TENT2: variants seen among roughly 807,000 people sequenced by gnomAD.
TENT2 encodes terminal nucleotidyltransferase 2, also known as poly(A) RNA polymerase GLD2.
A neutral mutation model predicts 72.2 loss-of-function variants in TENT2; 44 were observed. The ratio of observed to expected loss-of-function variants is 0.61; its 90% confidence interval spans 0.48 to 0.78. TENT2 has a LOEUF of 0.78. Among genes scored for constraint, TENT2 ranks in the 30% least tolerant of loss-of-function variants. The pLI is 0.00. For synonymous variants in TENT2, 212 were observed against 192.5 expected, an observed-to-expected ratio of 1.10 and a Z score of -0.84; for missense variants, 541 against 569.6, an observed-to-expected ratio of 0.95 and a Z score of 0.51.
intron 1 of TENT2, among the ~76,000 whole-genome samples, chr5:79,615,698 T>G (rs998466435): frequency 2.1e-5 from 3 of 141,054 alleles, no homozygotes; most frequent in Non-Finnish European, 4.5e-5. Flanking sequence ...AATCCAAGAT[T>G]TTTCTTTTTT....
chr5:79,625,590 T>C (rs889242237), intron 4 of TENT2, among the ~76,000 whole-genome samples: 7 of 152,170 alleles, frequency 4.6e-5, no homozygotes, highest in African/African-American at 1.7e-4. Context: ...TTAATTCTTA[T>C]ATTTAGGACT....
At chr5:79,621,911 T>G (rs1365994205) in intron 3 of TENT2, among the ~76,000 whole-genome samples, 1 of 152,184 alleles carries the variant, frequency 6.6e-6, no homozygotes, top group African/African-American at 2.4e-5. Flanking sequence ...TTTTATGCAT[T>G]TAGCACTGTA....
intron 4 of TENT2, among the ~76,000 whole-genome samples, chr5:79,635,878 A>G (rs939909260): frequency 6.6e-6 from 1 of 152,150 alleles, no homozygotes; most frequent in Non-Finnish European, 1.5e-5. Flanking sequence ...TTGCTATTCA[A>G]CAAATACTGA....
chr5:79,616,759 TA>T (rs1484215966), intron 1 of TENT2, among the ~76,000 whole-genome samples: 2 of 152,222 alleles, frequency 1.3e-5, no homozygotes, highest in African/African-American at 4.8e-5. Context: ...TAAAAAGACA[TA>T]AGGGTCTGCT....
Position 79,623,445 on chromosome 5 carries a change from T to C in TENT2, c.421T>C (p.Phe141Leu), listed in dbSNP as rs750069285. Reference sequence around the variant, plus strand: ...TGTTCCACCTTTTCGAGAAATTGCATTTTTAGAACCTAGAGAAATCACACT... The same window carrying C: ...TGTTCCACCTTTTCGAGAAATTGCACTTTTAGAACCTAGAGAAATCACACT... ...RCVPPFREIAFLEPREITLPE... is the reference protein window; with the variant it reads ...RCVPPFREIALLEPREITLPE... Residue 141 changes from phenylalanine to leucine, a missense_variant, in exon 4 of 15, where the codon TTT becomes CTT. Transcript: ENST00000453514. The C allele has an allele frequency of 1.2e-6, 2 of 1,611,200 alleles. No homozygotes were observed. The highest frequency in any genetic ancestry group is 4.5e-5 in the East Asian group (2 of 44,758).
intron 10 of TENT2, 68 bp downstream of exon 10, chr5:79,649,258 T>A: frequency 7.1e-7 from 1 of 1,409,400 alleles, no homozygotes; most frequent in South Asian, 1.4e-5. Flanking sequence ...GTCTTCTCTG[T>A]TGACCCTATT....
chr5:79,619,394 C>G (rs1057038848), intron 1 of TENT2, among the ~76,000 whole-genome samples: 1 of 152,080 alleles, frequency 6.6e-6, no homozygotes, highest in Admixed American at 6.6e-5. Flanking sequence ...TAGAAATGTG[C>G]ATATATCTTG....
intron 13 of TENT2, among the ~76,000 whole-genome samples, chr5:79,680,205 T>C (rs1820611370): frequency 6.6e-6 from 1 of 152,202 alleles, no homozygotes; most frequent in South Asian, 2.1e-4. Context: ...ATTGAAGGCC[T>C]TTGTAAATCT....
chr5:79,650,255 G>A (rs1792710788), intron 10 of TENT2, among the ~76,000 whole-genome samples: 1 of 151,970 alleles, frequency 6.6e-6, no homozygotes, highest in Admixed American at 6.6e-5. Flanking sequence ...CCAAATAAAT[G>A]CTAGGTATTC....
intron 10 of TENT2, among the ~76,000 whole-genome samples, chr5:79,653,796 A>G (rs933855419): frequency 3.3e-5 from 5 of 152,188 alleles, no homozygotes; most frequent in South Asian, 2.1e-4. Context: ...GGCAAACAAG[A>G]GTCTGCAAGG....
At chr5:79,673,104 G>A (rs540742896) in intron 12 of TENT2, among the ~76,000 whole-genome samples, 1 of 152,336 alleles carries the variant, frequency 6.6e-6, no homozygotes, top group South Asian at 2.1e-4. Context: ...TTTGAGAAAT[G>A]TCTGTTGAGA....
intron 12 of TENT2, among the ~76,000 whole-genome samples, chr5:79,679,063 G>A (rs183823962): frequency 5.3e-5 from 8 of 152,146 alleles, no homozygotes; most frequent in Admixed American, 2.6e-4. Context: ...ACGCTACTGC[G>A]CCTGGCTAAT....
chr5:79,654,431 CA>C (rs879916353), intron 10 of TENT2, among the ~76,000 whole-genome samples: 32 of 135,632 alleles, frequency 2.4e-4, no homozygotes, highest in Non-Finnish European at 2.6e-4. Flanking sequence ...AACTCTGTCT[CA>C]AAAAAAAAAA....
intron 8 of TENT2, among the ~76,000 whole-genome samples, chr5:79,645,642 T>G (rs1030866616): frequency 3.3e-5 from 5 of 152,174 alleles, no homozygotes; most frequent in African/African-American, 1.2e-4. Flanking sequence ...CAAAATATAC[T>G]TGTTCCATTT....
chr5:79,669,986 T>C (rs1207395662), intron 12 of TENT2, among the ~76,000 whole-genome samples: 1 of 151,870 alleles, frequency 6.6e-6, no homozygotes, highest in Non-Finnish European at 1.5e-5. Flanking sequence ...CCCAACACTT[T>C]GGGAGGCCGA....
chr5:79,660,520 C>T (rs1801979390), intron 11 of TENT2, among the ~76,000 whole-genome samples: 1 of 152,116 alleles, frequency 6.6e-6, no homozygotes, highest in Non-Finnish European at 1.5e-5. Flanking sequence ...TAACCCTCTT[C>T]TTTTTAATAG....
intron 11 of TENT2, among the ~76,000 whole-genome samples, chr5:79,662,371 CGGTATCTAG>C (rs1366168141): frequency 1.3e-5 from 2 of 152,120 alleles, no homozygotes; most frequent in African/African-American, 4.8e-5. Context: ...ATGTTCTTAA[CGGTATCTAG>C]AATGATGACT....
At chr5:79,618,225 C>T (rs143441262) in intron 1 of TENT2, among the ~76,000 whole-genome samples, 10 of 152,040 alleles carry the variant, frequency 6.6e-5, no homozygotes, top group African/African-American at 2.4e-4. Context: ...TTTCCCAGAG[C>T]CTGTTTATTT....
At chr5:79,626,849 T>C (rs957458922) in intron 4 of TENT2, among the ~76,000 whole-genome samples, 2 of 151,884 alleles carry the variant, frequency 1.3e-5, no homozygotes, top group Admixed American at 1.3e-4. Flanking sequence ...AAGAACCTTT[T>C]TGCTGGGTGT....
Sources: allele counts gnomAD v4.1 joint callset (sites outside exome capture counted in the v4.1 genomes callset), GRCh38; gene constraint gnomAD v4.1.1; transcripts MANE v1.5; gene names NCBI Gene and HGNC (gene_info 2026-07-23, HGNC 2026-07-21).